Variants in NEB observed in about 807,000 individuals in gnomAD.
The protein encoded by NEB is nemaline myopathy type 2.
Under a neutral mutation model 952.2 loss-of-function variants are expected in NEB, and 512 were observed. The ratio of observed to expected loss-of-function variants is 0.54; its 90% CI spans 0.50 to 0.58. The LOEUF (loss-of-function observed/expected upper bound fraction) is 0.58, where lower values mean the gene tolerates loss of function less well. Among genes scored for constraint, NEB ranks in the 20% least tolerant of loss-of-function variants. The probability of loss-of-function intolerance (pLI) is 0.00; values close to 1 mark genes in which losing one functional copy is unlikely to be tolerated. For synonymous variants in NEB, 2,900 were observed against 3,149.8 expected (o/e 0.92, Z 2.66); for missense variants, 8,428 against 9,231.1 (o/e 0.91, Z 3.56).
At chr2:151,489,175 G>C (rs1042503645) in intron 181 of NEB, among the ~76,000 whole-genome samples, 2 of 152,144 alleles carry the variant, frequency 1.3e-5, no homozygotes, top group Admixed American at 1.3e-4. Context: ...AGACCTTCTT[G>C]TATGTCATTT....
chr2:151,671,854 C>G (rs1256183191), intron 37 of NEB, among the ~76,000 whole-genome samples: 1 of 152,156 alleles, frequency 6.6e-6, no homozygotes, highest in Non-Finnish European at 1.5e-5. Flanking sequence ...GCAGGAGAGG[C>G]TCTGAATGTT....
chr2:151,489,926 C>G lies in NEB; in HGVS notation c.25404+45G>C, dbSNP rs369420017. 6 of 1,448,132 alleles carry G rather than the reference C, an allele frequency of 4.1e-6. No homozygotes were observed. The Middle Eastern group carries it at 5.2e-4, about 126-fold the overall frequency. The allele number at this position is 1,448,132 out of a possible 1,614,324, so 89.7% of individuals were successfully genotyped here. ...TACTTATAATCATGTTTGCACATAT[C>G]AAAAATTAAGAATAATTTATTTAAG... On this transcript the variant is annotated intron_variant, in intron 181 of 181. Coordinates refer to ENST00000397345, the MANE Select transcript of NEB (RefSeq NM_001164508.2).
intron 13 of NEB, among the ~76,000 whole-genome samples, chr2:151,704,405 G>A (rs1577039662): frequency 4.1e-5 from 6 of 145,740 alleles, no homozygotes; most frequent in Admixed American, 1.4e-4. Context: ...GAGCTTCCCG[G>A]CTGCTTTGTT....
At chr2:151,561,169 A>C (rs763218120) in intron 122 of NEB, 39 bp downstream of exon 122, 3 of 1,576,460 alleles carry the variant, frequency 1.9e-6, no homozygotes, top group Non-Finnish European at 2.6e-6. Flanking sequence ...AAAGACAAGA[A>C]ATAGTTTGTC....
At chr2:151,489,921 C>T (rs781606419) in intron 181 of NEB, 50 bp downstream of exon 181, 9 of 1,389,112 alleles carry the variant, frequency 6.5e-6, no homozygotes, top group South Asian at 1.2e-5. Context: ...CATGTTTGCA[C>T]ATATCAAAAA....
chr2:151,518,272 G>T, intron 156 of NEB, 46 bp downstream of exon 156: 1 of 1,328,608 alleles, frequency 7.5e-7, no homozygotes, highest in Non-Finnish European at 1.1e-6. Flanking sequence ...ACATTGTACT[G>T]TGGATGAATG....
intron 48 of NEB, 79 bp downstream of exon 48, chr2:151,657,904 C>T: frequency 3.2e-6 from 3 of 949,062 alleles, no homozygotes; most frequent in Non-Finnish European, 4.9e-6. Context: ...TGTGTCCACT[C>T]AGTGTTTCCA....
intron 54 of NEB, 57 bp downstream of exon 54, chr2:151,650,119 T>C (rs2099014721): frequency 6.6e-7 from 1 of 1,521,230 alleles, no homozygotes; most frequent in African/African-American, 1.4e-5. Flanking sequence ...CAAGTGCTAT[T>C]GAGCAAACAC....
intron 71 of NEB, among the ~76,000 whole-genome samples, chr2:151,623,585 G>A (rs1187626830): frequency 6.6e-6 from 1 of 151,870 alleles, no homozygotes; most frequent in Admixed American, 6.6e-5. Context: ...ACTCTTACAG[G>A]GTCACTATTA....
At chr2:151,512,629 G>A in intron 161 of NEB, 104 bp downstream of exon 161, 1 of 889,722 alleles carries the variant, frequency 1.1e-6, no homozygotes, top group South Asian at 1.5e-5. Context: ...CTTTTTTATT[G>A]GGAAAAACTG....
chr2:151,648,875 T>C (rs908126097), intron 54 of NEB, among the ~76,000 whole-genome samples: 7 of 152,168 alleles, frequency 4.6e-5, no homozygotes, highest in African/African-American at 1.7e-4. Context: ...GTGTATCAGT[T>C]GATTCAGAAG....
At chr2:151,687,939 T>A (rs2099515837) in intron 25 of NEB, among the ~76,000 whole-genome samples, 1 of 152,234 alleles carries the variant, frequency 6.6e-6, no homozygotes. Context: ...CTCTTTTTAA[T>A]GTTCTGTAAA....
chr2:151,630,673 A>ACAC (rs1560678148), intron 67 of NEB, 42 bp downstream of exon 67: 1 of 1,478,660 alleles, frequency 6.8e-7, no homozygotes, highest in African/African-American at 1.4e-5. Context: ...CTAAGTATAG[A>ACAC]CACCACCACC....
intron 12 of NEB, among the ~76,000 whole-genome samples, chr2:151,707,496 A>G (rs1310554210): frequency 7.2e-6 from 1 of 139,284 alleles, no homozygotes; most frequent in Admixed American, 8.0e-5. Flanking sequence ...TGGAGCACAC[A>G]TGTATTCAAT....
intron 148 of NEB, 97 bp from the exon 149 acceptor site, chr2:151,526,359 T>A (rs913639190): frequency 1.4e-5 from 12 of 835,416 alleles, no homozygotes; most frequent in Non-Finnish European, 2.2e-5. Flanking sequence ...GCGTTGACAA[T>A]ACTAAACTCA....
chr2:151,533,570 G>T, intron 142 of NEB, 24 bp from the exon 143 acceptor site: 1 of 1,444,650 alleles, frequency 6.9e-7, no homozygotes, highest in Non-Finnish European at 9.5e-7. Context: ...GAGCAGTGAA[G>T]CACAAAAGAG....
Position 151,492,458 on chromosome 2 carries a change from C to T in NEB, c.24802G>A (p.Gly8268Ser). The T allele has an allele frequency of 1.9e-6, 3 of 1,613,410 alleles. No homozygotes were observed. The highest frequency in any genetic ancestry group is 1.3e-5 in the African/African-American group (1 of 74,960). Residue 8268 changes from glycine to serine, a missense_variant, in exon 177 of 182, where the codon GGC (glycine) becomes AGC (serine). By Grantham distance (56) the Gly-to-Ser change is moderately conservative. This residue lies in a region of NEB where 3,374 missense variants were observed against 3,651.5 expected (regional missense o/e 0.92). Transcript: ENST00000397345. ...YSDSFRKQIQ[G>S]KAAYVLDTPE... is the part of the protein sequence containing the mutation. ...GTATCCAATACATAGGCAGCTTTGC[C>T]TTGTATTTGTTTCCGGAAACTATCA...
intron 165 of NEB, among the ~76,000 whole-genome samples, chr2:151,504,173 G>T (rs1037646791): frequency 6.6e-6 from 1 of 152,150 alleles, no homozygotes; most frequent in Non-Finnish European, 1.5e-5. Context: ...TCTTTTAAAT[G>T]GATGGATTCC....
In NEB at chr2:151,655,283, G is replaced by A. The variant is rs1179655574; in HGVS notation, c.6794C>T (p.Thr2265Ile). ...PDILQAKQNQ[T>I]LYSQKLYKLG... The stretch of plus-strand genomic sequence containing the variant: ...ATATAAATTTACCTGACTATACAGT[G>A]TTTGATTCTGCTTGGCTTGTAAAAT... Residue 2265 changes from threonine (T) to isoleucine (I), a missense_variant, in exon 51 of 182, where the codon ACA becomes ATA. Thr to Ile is a moderately conservative substitution (Grantham distance 89). Coordinates refer to ENST00000397345, the MANE Select transcript of NEB (RefSeq NM_001164508.2). The A allele has an allele frequency of 1.3e-6, 2 of 1,572,892 alleles. No individual in the cohort carries two copies. Among genetic ancestry groups the A allele is most frequent in the South Asian group, 2.2e-5 (2 of 88,896 alleles).
Sources: gnomAD v4.1 joint callset for allele counts (sites outside exome capture counted in the v4.1 genomes callset) on GRCh38, gnomAD v4.1.1 for gene constraint, gnomAD v4.1.1 regional missense constraint, MANE v1.5 for transcripts, NCBI Gene and HGNC (gene_info 2026-07-23, HGNC 2026-07-21) for gene names.